Variants in UBN2 observed in about 807,000 individuals in gnomAD.
The protein encoded by UBN2 is ubinuclein-2.
UBN2 carries 35 observed loss-of-function variants against 120.2 expected under a neutral mutation model. The ratio of observed to expected loss-of-function variants is 0.29; its 90% CI spans 0.22 to 0.39. The LOEUF is 0.39. Ranked by LOEUF, UBN2 falls within the 10% of genes least tolerant of loss-of-function variation. UBN2 has a pLI of 1.00. For synonymous variants in UBN2, 661 were observed against 648.7 expected (o/e 1.02, Z -0.29); for missense variants, 1,693 against 1,663.2 (o/e 1.02, Z -0.31).
rs1304467156 is a variant in UBN2, at chr7:139,307,982, A to G, written c.*10146A>G. Reference sequence around the variant, plus strand: ...TAAATATGGACCTGTGAATTTAGTAAATTACCCCCATGAATATACTCCTTC... The same window carrying G: ...TAAATATGGACCTGTGAATTTAGTAGATTACCCCCATGAATATACTCCTTC... On this transcript the variant is annotated 3_prime_UTR_variant, in exon 18 of 18. Transcript: ENST00000473989. The G allele has an allele frequency of 2.0e-5, 3 of 151,806 alleles. No homozygotes were observed. Among genetic ancestry groups the G allele is most frequent in the Non-Finnish European group, 4.4e-5 (3 of 67,964 alleles). 9.4% of individuals were successfully genotyped at this position (151,806 alleles called of 1,614,324 possible).
chr7:139,253,985 A>G (rs1038770867), intron 3 of UBN2, among the ~76,000 whole-genome samples: 1 of 152,186 alleles, frequency 6.6e-6, no homozygotes, highest in Non-Finnish European at 1.5e-5. Context: ...ATATTCTGTC[A>G]AACTCCTAAG....
chr7:139,274,249 C>T lies in UBN2; in HGVS notation c.1973+175C>T, dbSNP rs1797376667. 2.0e-5 allele frequency among the ~76,000 whole-genome samples: 3 copies of T among 152,104 alleles called. No homozygotes were observed. The South Asian group carries it at 6.2e-4, about 31-fold the overall frequency. On this transcript the variant is annotated intron_variant, in intron 11 of 17. Transcript: ENST00000473989. ...TTGAAAACCTTAAGCACTTAAATGA[C>T]AAAACAGTCGCGCACACAGAGATAG... is the stretch of plus-strand genomic sequence containing the variant.
intron 2 of UBN2, 73 bp downstream of exon 2, chr7:139,237,170 G>A (rs1796186784): frequency 1.9e-6 from 2 of 1,066,836 alleles, no homozygotes; most frequent in Non-Finnish European, 2.8e-6. Context: ...CTGGTTGGGA[G>A]GGCCTATAAA....
chr7:139,284,476 G>A lies in UBN2; in HGVS notation c.3571G>A (p.Gly1191Arg), dbSNP rs1336365256. Residue 1191 changes from glycine to arginine, a missense_variant, in exon 15 of 18, where the codon GGA becomes AGA. Transcript: ENST00000473989. ...AGCTAATAGGACTAGTCTGTCTGGG[G>A]GAACAGGAAGTGGAACACAGGGTGC... The part of the protein sequence containing the change: ...SGANRTSLSG[G>R]TGSGTQGATK... The A allele has an allele frequency of 4.3e-6, 7 of 1,614,034 alleles. No individual in the cohort carries two copies. Among genetic ancestry groups the A allele is most frequent in the Non-Finnish European group, 5.9e-6 (7 of 1,180,036 alleles).
intron 2 of UBN2, among the ~76,000 whole-genome samples, chr7:139,242,835 A>G (rs902152804): frequency 6.6e-6 from 1 of 152,216 alleles, no homozygotes. Context: ...TCTTGGCTGT[A>G]TTTCCACTGC....
At position 139,261,639 on chromosome 7, in the gene UBN2, C is replaced by A; in HGVS notation, c.1293C>A (p.Thr431=). Residue 431 remains threonine (T), a synonymous_variant, in exon 6 of 18, where the codon ACC becomes ACA. Coordinates refer to ENST00000473989, the MANE Select transcript of UBN2 (RefSeq NM_173569.4). ...LSESGGENGT[T]TQPTYTSQVM... is the part of the protein sequence containing the mutation. The stretch of plus-strand genomic sequence containing the variant: ...AGTCGGGGGGTGAAAATGGAACCAC[C>A]ACCCAGCCAACCTACACTTCTCAGG... The A allele has an allele frequency of 6.2e-7, 1 of 1,614,152 alleles. No homozygotes were observed. Among genetic ancestry groups the A allele is most frequent in the Non-Finnish European group, 8.5e-7 (1 of 1,180,032 alleles).
At chr7:139,238,494 G>C (rs922373602) in intron 2 of UBN2, among the ~76,000 whole-genome samples, 25 of 152,074 alleles carry the variant, frequency 1.6e-4, no homozygotes, top group Non-Finnish European at 1.5e-5. Context: ...TGTGATCTTG[G>C]CTCACTGTAA....
At chr7:139,264,449 G>C (rs1797031351) in intron 6 of UBN2, among the ~76,000 whole-genome samples, 1 of 152,158 alleles carries the variant, frequency 6.6e-6, no homozygotes, top group African/African-American at 2.4e-5. Flanking sequence ...CAGAGTCATA[G>C]AGTCTGTCTT....
rs1266984234 is a variant in UBN2 at position 139,293,240 on chromosome 7, A to G, written c.3678A>G (p.Ala1226=). Residue 1226 remains alanine, a synonymous_variant, in exon 16 of 18, where the codon GCA becomes GCG. Coordinates refer to ENST00000473989, the MANE Select transcript of UBN2 (RefSeq NM_173569.4). ...CCCTGGTTTCTGCACAGTCCACAGC[A>G]GGAGCATCATTATTGGCTAATGCCT... The part of the protein sequence containing the change: ...SVVTASVQST[A]GASLLANASP... 4 of 1,614,040 alleles carry G rather than the reference A, an allele frequency of 2.5e-6. No individual in the cohort carries two copies. The highest frequency in any genetic ancestry group is 1.6e-4 in the Middle Eastern group (1 of 6,084).
rs1406080628 is a variant in UBN2 at position 139,231,272 on chromosome 7, C to T, written c.-213C>T. Among the ~76,000 whole-genome samples, 3 of 152,268 alleles carry T rather than the reference C, an allele frequency of 2.0e-5. No homozygotes were observed. Among genetic ancestry groups the T allele is most frequent in the Non-Finnish European group, 2.9e-5 (2 of 68,048 alleles). On this transcript the variant is annotated 5_prime_UTR_variant, in exon 1 of 18. Coordinates refer to ENST00000473989, the MANE Select transcript of UBN2 (RefSeq NM_173569.4). ...TTATGTGGGGGATCCAACATGGCGG[C>T]CGCGGCGACCCTGGCGATGGCGGTG...
intron 17 of UBN2, among the ~76,000 whole-genome samples, chr7:139,295,382 C>G (rs920800446): frequency 2.0e-5 from 3 of 151,798 alleles, no homozygotes; most frequent in African/African-American, 7.3e-5. Flanking sequence ...TAAAGCATGT[C>G]CCCCCCTGGG....
chr7:139,309,545 A>AT (rs926921422), downstream of UBN2, among the ~76,000 whole-genome samples: 1 of 151,894 alleles, frequency 6.6e-6, no homozygotes, highest in Non-Finnish European at 1.5e-5. Flanking sequence ...TCATTGTTAA[A>AT]TTTTTTTTTA....
At chr7:139,279,500 A>T (rs1585019007) in intron 13 of UBN2, 140 bp downstream of exon 13, 1 of 619,658 alleles carries the variant, frequency 1.6e-6, no homozygotes, top group Non-Finnish European at 2.7e-6. Context: ...TAATAATCTT[A>T]GTACTTTTGT....
At position 139,269,433 on chromosome 7, in the gene UBN2, C is replaced by A. The variant is rs1797195972; in HGVS notation, c.1506C>A (p.Arg502=). 1 of 1,614,024 alleles carries A rather than the reference C, an allele frequency of 6.2e-7. No individual in the cohort carries two copies. The highest frequency in any genetic ancestry group is 1.1e-5 in the South Asian group (1 of 91,080). ...TACAAGAACTAGGCCCTGTCATTCG[C>A]AGTGGTGTCTACTCCCACCTTGAAG... is the stretch of plus-strand genomic sequence containing the variant. ...LQLQELGPVI[R]SGVYSHLEAF... The change falls in exon 8 of 18, where the codon CGC becomes CGA. Residue 502 remains arginine (R), a synonymous_variant. Coordinates refer to ENST00000473989, the MANE Select transcript of UBN2 (RefSeq NM_173569.4).
chr7:139,231,805 C>G lies in UBN2; in HGVS notation c.321C>G (p.Pro107=). Residue 107 remains proline, a synonymous_variant, in exon 1 of 18, where the codon CCC becomes CCG. Coordinates refer to ENST00000473989, the MANE Select transcript of UBN2 (RefSeq NM_173569.4). The part of the protein sequence containing the change: ...PPFPPLPLQP[P]PPRESASRAE... ...TCCCGCCGCTGCCCTTGCAGCCGCC[C>G]CCGCCGCGGGAGTCGGCTTCCCGGG... 7.0e-7 allele frequency: 1 copy of G among 1,431,460 alleles called. No individual in the cohort carries two copies. The highest frequency in any genetic ancestry group is 9.2e-7 in the Non-Finnish European group (1 of 1,092,074). The allele number at this position is 1,431,460 out of a possible 1,614,324, so 88.7% of individuals were successfully genotyped here. A position where few individuals can be genotyped will look rare whatever the true frequency, so the allele number is the denominator to read the frequency against.
At chr7:139,247,582 T>C (rs1232692180) in intron 2 of UBN2, among the ~76,000 whole-genome samples, 1 of 152,202 alleles carries the variant, frequency 6.6e-6, no homozygotes, top group Non-Finnish European at 1.5e-5. Flanking sequence ...GCCTTCGTTT[T>C]CCCCATTTGT....
chr7:139,257,160 G>A (rs1229721895), intron 3 of UBN2, among the ~76,000 whole-genome samples: 2 of 152,214 alleles, frequency 1.3e-5, no homozygotes, highest in Non-Finnish European at 2.9e-5. Flanking sequence ...ATTTGGTTAA[G>A]TTGTCCTTCA....
intron 16 of UBN2, 109 bp downstream of exon 16, chr7:139,293,572 GT>G (rs201538099): frequency 0.11 from 76,155 of 683,746 alleles, 1,181 homozygotes; most frequent in Admixed American, 0.24. Context: ...GAAGATTATA[GT>G]TTTTTTTTTT....
rs1457099996 is a variant in UBN2, at chr7:139,261,659, C to A, written c.1313C>A (p.Ser438Tyr). Residue 438 changes from serine (S) to tyrosine (Y), a missense_variant, in exon 6 of 18, where the codon TCT (serine) becomes TAT (tyrosine). Physicochemically the swap from Ser to Tyr is moderately radical, Grantham distance 144. This residue lies in a region of UBN2 where 663 missense variants were observed against 591.2 expected (regional missense o/e 1.12). Coordinates refer to ENST00000473989, the MANE Select transcript of UBN2 (RefSeq NM_173569.4). ...ACCACCACCCAGCCAACCTACACTT[C>A]TCAGGTTATGCCCAAAGTGGTACCT... ...NGTTTQPTYTSQVMPKVVPTL... is the reference protein window; with the variant it reads ...NGTTTQPTYTYQVMPKVVPTL... The A allele has an allele frequency of 1.9e-6, 3 of 1,614,222 alleles. No homozygotes were observed. The South Asian group carries it at 3.3e-5, about 18-fold the overall frequency.
Sources: allele counts gnomAD v4.1 joint callset (sites outside exome capture counted in the v4.1 genomes callset), GRCh38; gene constraint gnomAD v4.1.1; regional missense constraint gnomAD v4.1.1; transcripts MANE v1.5; gene names NCBI Gene and HGNC (gene_info 2026-07-23, HGNC 2026-07-21).